PLEKHJ1: variants seen among roughly 807,000 people sequenced by gnomAD.
The protein encoded by PLEKHJ1 is pleckstrin homology domain containing J1.
A neutral mutation model predicts 21.7 loss-of-function variants in PLEKHJ1; 20 were observed. The ratio of observed to expected loss-of-function variants is 0.92; its 90% CI spans 0.65 to 1.34. The LOEUF is 1.34. PLEKHJ1 is among the 40% of genes most tolerant of loss of function. The pLI is 0.00. For synonymous variants in PLEKHJ1, 113 were observed against 80.6 expected, an observed-to-expected ratio of 1.40 and a Z score of -2.15; for missense variants, 241 against 202.0, an observed-to-expected ratio of 1.19 and a Z score of -1.17.
downstream of PLEKHJ1, chr19:2,232,135 C>CG (rs965695597): frequency 1.0e-5 from 2 of 198,720 alleles, no homozygotes; most frequent in Admixed American, 1.2e-4. Flanking sequence ...GGGCAGCTGG[C>CG]GGGGACCTGT....
downstream of PLEKHJ1, chr19:2,231,478 G>A (rs1448607187): frequency 4.8e-6 from 1 of 206,348 alleles, no homozygotes; most frequent in East Asian, 7.3e-5. Flanking sequence ...CCTGGTGAGG[G>A]GGGTGCTGCC....
downstream of PLEKHJ1, chr19:2,231,904 C>T (rs1232582553): frequency 4.6e-6 from 1 of 219,142 alleles, no homozygotes; most frequent in Non-Finnish European, 9.2e-6. Context: ...CTCAGAGCCA[C>T]TGGCCCAGGC....
At position 2,234,138 on chromosome 19, in the gene PLEKHJ1, G is replaced by A. The variant is rs1463058164; in HGVS notation, c.320+12C>T. 10 of 1,611,958 alleles carry A rather than the reference G, an allele frequency of 6.2e-6. No individual in the cohort carries two copies. The highest frequency in any genetic ancestry group is 1.3e-5 in the African/African-American group (1 of 74,902). On this transcript the variant is annotated intron_variant, in intron 4 of 5. Transcript: ENST00000326631. ...GCCCACCCCAGCAGTGCCCACCACCGCCTGGCCCCACCTGGCCCGACGCAG... is the reference window on the plus strand; with the variant it reads ...GCCCACCCCAGCAGTGCCCACCACCACCTGGCCCCACCTGGCCCGACGCAG...
downstream of PLEKHJ1, chr19:2,231,953 C>T (rs1470033721): frequency 1.4e-5 from 3 of 213,092 alleles, no homozygotes; most frequent in South Asian, 1.9e-4. Context: ...ATGCGTGTCA[C>T]CACACGTGAA....
chr19:2,233,826 A>C lies in PLEKHJ1; in HGVS notation c.*14T>G, dbSNP rs1599642896. On this transcript the variant is annotated 3_prime_UTR_variant, in exon 6 of 6. Transcript: ENST00000326631. ...AGTCCCGTCCCGCTGCACGCTGACC[A>C]CCGTGCCCTGCGCTCACGCCTGCAA... 1 of 1,595,728 alleles carries C rather than the reference A, an allele frequency of 6.3e-7. No individual in the cohort carries two copies. Among genetic ancestry groups the C allele is most frequent in the Non-Finnish European group, 8.5e-7 (1 of 1,173,802 alleles).
At chr19:2,231,033 G>T (rs962439922), downstream of PLEKHJ1, 1 of 236,522 alleles carries the variant, frequency 4.2e-6, no homozygotes, top group Non-Finnish European at 8.3e-6. Flanking sequence ...GCCTTGGCGG[G>T]TGCCTGGGAC....
intron 1 of PLEKHJ1, 65 bp from the exon 2 acceptor site, chr19:2,236,055 CGGCGCCCCGACCCG>C: frequency 6.8e-7 from 1 of 1,474,452 alleles, no homozygotes; most frequent in Non-Finnish European, 9.0e-7. Context: ...CTCCCGTCCC[CGGCGCCCCGACCCG>C]GACTCCGGCC....
In PLEKHJ1 at chr19:2,233,913, G is replaced by A. The variant is rs763762039; in HGVS notation, c.385-8C>T. The A allele has an allele frequency of 1.2e-6, 2 of 1,612,740 alleles. No individual in the cohort carries two copies. Among genetic ancestry groups the A allele is most frequent in the South Asian group, 2.2e-5 (2 of 91,084 alleles). On this transcript the variant is annotated splice_region_variant and splice_polypyrimidine_tract_variant and intron_variant, in intron 5 of 5. Coordinates refer to ENST00000326631, the MANE Select transcript of PLEKHJ1 (RefSeq NM_018049.3). The stretch of plus-strand genomic sequence containing the variant: ...GAACTGTTCCAGGGGGTCCTGTGGG[G>A]AGGACGGGTGGCCATGAGCCAGGGC...
chr19:2,232,678 G>A (rs1458390378), downstream of PLEKHJ1: 1 of 180,018 alleles, frequency 5.6e-6, no homozygotes, highest in African/African-American at 2.4e-5. Flanking sequence ...ACGGGGAGTG[G>A]AGGGCCTAGG....
downstream of PLEKHJ1, chr19:2,233,009 C>G (rs926711979): frequency 1.3e-5 from 2 of 152,440 alleles, no homozygotes; most frequent in Non-Finnish European, 2.9e-5. Context: ...GGGTCCCAGC[C>G]TCCACCTGTC....
chr19:2,232,620 G>A (rs981316593), downstream of PLEKHJ1: 10 of 186,872 alleles, frequency 5.4e-5, no homozygotes, highest in African/African-American at 9.4e-5. Flanking sequence ...GGCATGAGGC[G>A]TCTCCTGGCG....
chr19:2,234,175 A>G lies in PLEKHJ1; in HGVS notation c.295T>C (p.Trp99Arg). Residue 99 changes from tryptophan to arginine, a missense_variant, in exon 4 of 6, where the codon TGG becomes CGG. Trp to Arg is a moderately radical substitution (Grantham distance 101). Transcript: ENST00000326631. ...ECSSEEQCQE[W>R]MEALRRASYE... ...CTGGCCCGACGCAGAGCCTCCATCC[A>G]CTCCTGACACTGCTCCTCGCTGCTG... The G allele has an allele frequency of 6.2e-7, 1 of 1,612,212 alleles. No individual in the cohort carries two copies. Among genetic ancestry groups the G allele is most frequent in the Non-Finnish European group, 8.5e-7 (1 of 1,179,852 alleles).
At chr19:2,232,329 C>G (rs2024638668), downstream of PLEKHJ1, 1 of 217,224 alleles carries the variant, frequency 4.6e-6, no homozygotes, top group East Asian at 6.7e-5. Flanking sequence ...CAGTGGTCAG[C>G]AGGCCCCCCA....
downstream of PLEKHJ1, chr19:2,230,891 G>A (rs2024570279): frequency 1.3e-5 from 4 of 313,194 alleles, no homozygotes; most frequent in South Asian, 1.6e-4. Context: ...TCAGGGCCAC[G>A]CCTGGCACCC....
intron 3 of PLEKHJ1, chr19:2,235,529 A>T (rs2024774563): frequency 1.8e-6 from 1 of 561,670 alleles, no homozygotes; most frequent in Non-Finnish European, 3.2e-6. Flanking sequence ...GGGAACAAAG[A>T]GCAGAGTCTG....
Position 2,235,623 on chromosome 19 carries a change from A to C in PLEKHJ1, c.229+139T>G, listed in dbSNP as rs2024779703. 4.3e-6 allele frequency: 3 copies of C among 699,862 alleles called. No homozygotes were observed. The African/African-American group carries it at 5.5e-5, about 13-fold the overall frequency. The allele number at this position is 699,862 out of a possible 1,614,324, so 43.4% of individuals were successfully genotyped here. A position where few individuals can be genotyped will look rare whatever the true frequency, so the allele number is the denominator to read the frequency against. ...ACTTGACCTTGAGCTGCCCGTGGAC[A>C]ATGCACTCTTGTGTTTGAGGAGGGT... On this transcript the variant is annotated intron_variant, in intron 3 of 5. Transcript: ENST00000326631.
intron 3 of PLEKHJ1, chr19:2,235,545 G>A (rs1488099943): frequency 6.8e-6 from 4 of 586,078 alleles, no homozygotes; most frequent in South Asian, 4.2e-5. Context: ...GTCTGGGAGG[G>A]ACCCAAGCTT....
Position 2,236,224 on chromosome 19 carries a change from G to A in PLEKHJ1, c.25C>T (p.Gln9Ter). MRYNEKEL[Q>*]ALSRQPAEMA... ...TCGGCCGGCTGCCGGGACAGAGCCTGCAGCTCCTTCTCGTTGTACCGCATG... is the reference window on the plus strand; with the variant it reads ...TCGGCCGGCTGCCGGGACAGAGCCTACAGCTCCTTCTCGTTGTACCGCATG... The change falls in exon 1 of 6, where the codon CAG becomes TAG. Residue 9 changes from glutamine to a stop codon, truncating the protein, a stop_gained. Coordinates refer to ENST00000326631, the MANE Select transcript of PLEKHJ1 (RefSeq NM_018049.3). LOFTEE classifies it high-confidence loss of function. 3 of 1,463,934 alleles carry A rather than the reference G, an allele frequency of 2.0e-6. No homozygotes were observed. The highest frequency in any genetic ancestry group is 2.7e-6 in the Non-Finnish European group (3 of 1,112,290). 90.7% of individuals were successfully genotyped at this position (1,463,934 alleles called of 1,614,324 possible). A position where few individuals can be genotyped will look rare whatever the true frequency, so the allele number is the denominator to read the frequency against.
chr19:2,230,280 C>T (rs911883465), downstream of PLEKHJ1: 9 of 422,810 alleles, frequency 2.1e-5, no homozygotes, highest in South Asian at 8.2e-5. Context: ...GCGCTGCTCC[C>T]GTACCAAAGG....
Sources: gnomAD v4.1 joint callset for allele counts on GRCh38, gnomAD v4.1.1 for gene constraint, MANE v1.5 for transcripts, NCBI Gene and HGNC (gene_info 2026-07-23, HGNC 2026-07-21) for gene names.